The following SLC24A2 variants were observed in gnomAD, a reference collection of about 807,000 sequenced individuals.
SLC24A2 encodes solute carrier family 24 member 2, also known as sodium/potassium/calcium exchanger 2.
In SLC24A2, 36 loss-of-function variants were observed where a neutral mutation model predicts 62.0. The observed-to-expected ratio is 0.58, with a 90% CI of 0.44 to 0.77. The LOEUF (loss-of-function observed/expected upper bound fraction) is 0.77. Ranked by LOEUF, SLC24A2 falls within the 30% of genes least tolerant of loss-of-function variation. The pLI is 0.00. For synonymous variants in SLC24A2, 358 were observed against 294.0 expected (o/e 1.22, Z -2.23); for missense variants, 846 against 817.9 (o/e 1.03, Z -0.42).
At chr9:19,931,330 T>A in the SLC24A2 span, among the ~76,000 whole-genome samples, 1 of 152,218 alleles carries the variant, frequency 6.6e-6, no homozygotes, top group Non-Finnish European at 1.5e-5. Context: ...AACTTCCACA[T>A]TCAATACTGT....
chr9:19,986,961 A>G, the SLC24A2 span, among the ~76,000 whole-genome samples: 6 of 151,614 alleles, frequency 4.0e-5, no homozygotes, highest in African/African-American at 1.5e-4. Context: ...AAGAAATAAA[A>G]AGGATACTGT....
chr9:19,569,617 C>G (rs188439313), intron 7 of SLC24A2, among the ~76,000 whole-genome samples: 29 of 152,064 alleles, frequency 1.9e-4, no homozygotes, highest in Non-Finnish European at 3.8e-4. Context: ...GCCATAAACC[C>G]TCCTTCCCTC....
chr9:20,276,084 C>G, the SLC24A2 span, among the ~76,000 whole-genome samples: 1 of 152,274 alleles, frequency 6.6e-6, no homozygotes, highest in East Asian at 1.9e-4. Context: ...ATCATGTCCT[C>G]ACATTTCAAA....
intron 2 of SLC24A2, among the ~76,000 whole-genome samples, chr9:19,763,411 G>A (rs939828001): frequency 1.3e-5 from 2 of 152,306 alleles, no homozygotes; most frequent in African/African-American, 4.8e-5. Context: ...CAAAGGGAAT[G>A]CTTCCAGCTT....
chr9:20,104,655 A>AT, the SLC24A2 span, among the ~76,000 whole-genome samples: 1 of 152,196 alleles, frequency 6.6e-6, no homozygotes, highest in Non-Finnish European at 1.5e-5. Flanking sequence ...ATGCTGAGAG[A>AT]TTTTGTCACC....
the SLC24A2 span, among the ~76,000 whole-genome samples, chr9:19,878,112 A>C: frequency 6.6e-6 from 1 of 152,160 alleles, no homozygotes; most frequent in African/African-American, 2.4e-5. Context: ...AGGGACAACA[A>C]CACCTACTGC....
intron 8 of SLC24A2, among the ~76,000 whole-genome samples, chr9:19,530,031 G>A (rs140079429): frequency 0.018 from 2,768 of 151,324 alleles, 80 homozygotes; most frequent in African/African-American, 0.064. Flanking sequence ...AGGATTACAG[G>A]TGTAAGCCAC....
the SLC24A2 span, among the ~76,000 whole-genome samples, chr9:20,148,990 G>A: frequency 2.6e-5 from 4 of 152,042 alleles, no homozygotes; most frequent in Admixed American, 6.6e-5. Context: ...AACTCGGGGG[G>A]TTTTCTTCAA....
chr9:19,821,652 A>T, the SLC24A2 span, among the ~76,000 whole-genome samples: 2 of 152,194 alleles, frequency 1.3e-5, no homozygotes, highest in East Asian at 3.9e-4. Context: ...TATTTCTTAG[A>T]TCAGAATTTT....
chr9:19,636,319 C>CTTTTCTTTTCTTTTCTTTTCTT (rs1554690372), intron 2 of SLC24A2, among the ~76,000 whole-genome samples: 1 of 43,476 alleles, frequency 2.3e-5, no homozygotes, highest in Non-Finnish European at 4.5e-5. Flanking sequence ...CTTTTCTTTT[C>CTTTTCTTTTCTTTTCTTTTCTT]TTTCTTTCTT....
the SLC24A2 span, among the ~76,000 whole-genome samples, chr9:20,033,256 G>C: frequency 6.6e-6 from 1 of 152,156 alleles, no homozygotes. Context: ...GATTCAGACA[G>C]ACCTGGGTCC....
the SLC24A2 span, among the ~76,000 whole-genome samples, chr9:19,959,187 A>G: frequency 6.6e-6 from 1 of 152,188 alleles, no homozygotes; most frequent in Non-Finnish European, 1.5e-5. Context: ...GATGAGGGAG[A>G]AGGTGGGAGA....
At chr9:20,096,760 G>C in the SLC24A2 span, among the ~76,000 whole-genome samples, 21 of 151,520 alleles carry the variant, frequency 1.4e-4, no homozygotes, top group Non-Finnish European at 2.4e-4. Flanking sequence ...TTTTTTTAAT[G>C]TTTCTCTTTG....
At chr9:19,926,800 C>G in the SLC24A2 span, 1 of 152,278 alleles carries the variant, frequency 6.6e-6, no homozygotes, top group African/African-American at 2.4e-5. Context: ...GATAGCTGAC[C>G]TAAAGACATT....
At chr9:20,111,696 T>A in the SLC24A2 span, among the ~76,000 whole-genome samples, 1 of 152,084 alleles carries the variant, frequency 6.6e-6, no homozygotes, top group Non-Finnish European at 1.5e-5. Flanking sequence ...GGATGGACAT[T>A]AAAGTTTGAA....
chr9:19,569,139 G>C (rs1439600019), intron 7 of SLC24A2, among the ~76,000 whole-genome samples: 1 of 152,174 alleles, frequency 6.6e-6, no homozygotes, highest in East Asian at 1.9e-4. Context: ...TAAAGGGCCA[G>C]ATAGTAAATA....
At chr9:19,742,543 AT>A (rs1410328361) in intron 2 of SLC24A2, among the ~76,000 whole-genome samples, 1 of 152,184 alleles carries the variant, frequency 6.6e-6, no homozygotes, top group Admixed American at 6.6e-5. Context: ...CATTCAATGA[AT>A]CCCCCATACC....
the SLC24A2 span, among the ~76,000 whole-genome samples, chr9:20,009,855 C>A: frequency 6.6e-6 from 1 of 152,176 alleles, no homozygotes; most frequent in Non-Finnish European, 1.5e-5. Flanking sequence ...AGCAGGCAAG[C>A]CCATACCCAC....
chr9:19,761,003 G>A (rs1236565850), intron 2 of SLC24A2, among the ~76,000 whole-genome samples: 1 of 152,082 alleles, frequency 6.6e-6, no homozygotes, highest in Non-Finnish European at 1.5e-5. Context: ...CATGGCACAT[G>A]TATACGTATG....
Sources: gnomAD v4.1 joint callset for allele counts (sites outside exome capture counted in the v4.1 genomes callset) on GRCh38, gnomAD v4.1.1 for gene constraint, MANE v1.5 for transcripts, NCBI Gene and HGNC (gene_info 2026-07-23, HGNC 2026-07-21) for gene names.